Variants in P2RX3 observed in about 807,000 individuals in gnomAD.
P2RX3 encodes purinergic receptor P2X 3, also known as P2X purinoceptor 3.
A neutral mutation model predicts 51.5 loss-of-function variants in P2RX3; 41 were observed. The observed-to-expected ratio is 0.80, with a 90% CI of 0.62 to 1.03. P2RX3 has a LOEUF of 1.03. P2RX3 is among the 50% of genes least tolerant of loss of function. The probability of loss-of-function intolerance (pLI) is 0.00; values close to 1 mark genes in which losing one functional copy is unlikely to be tolerated. For synonymous variants in P2RX3, 185 were observed against 191.6 expected (o/e 0.97, Z 0.29); for missense variants, 459 against 522.1 (o/e 0.88, Z 1.18).
At position 57,371,568 on chromosome 11, in the gene P2RX3, C is replaced by T. The variant is rs1291132949; in HGVS notation, c.*1571C>T. Among the ~76,000 whole-genome samples the T allele has an allele frequency of 6.6e-6, 1 of 152,146 alleles. No individual in the cohort carries two copies. Among genetic ancestry groups the T allele is most frequent in the Non-Finnish European group, 1.5e-5 (1 of 68,014 alleles). On this transcript the variant is annotated 3_prime_UTR_variant, in exon 12 of 12. Coordinates refer to ENST00000263314, the MANE Select transcript of P2RX3 (RefSeq NM_002559.5). The stretch of plus-strand genomic sequence containing the variant: ...GGTGGGTACTTGCAAAGGCCTTGCC[C>T]AATGACCCCCCGCTCCAGGGGGAGA...
At chr11:57,349,568 A>T (rs963366747) in intron 6 of P2RX3, among the ~76,000 whole-genome samples, 189 bp from the exon 7 acceptor site, 1 of 152,118 alleles carries the variant, frequency 6.6e-6, no homozygotes, top group Non-Finnish European at 1.5e-5. Context: ...ACCCTGATAC[A>T]CAGGGAAGGC....
At chr11:57,358,975 T>C (rs1426222798) in intron 8 of P2RX3, among the ~76,000 whole-genome samples, 1 of 152,136 alleles carries the variant, frequency 6.6e-6, no homozygotes. Flanking sequence ...AGGTGTCCTG[T>C]CTGGTCACAG....
At chr11:57,344,281 G>GA (rs1856393822) in intron 1 of P2RX3, among the ~76,000 whole-genome samples, 1 of 152,092 alleles carries the variant, frequency 6.6e-6, no homozygotes, top group Non-Finnish European at 1.5e-5. Flanking sequence ...TAATACTACT[G>GA]AAAAAATGAT....
chr11:57,345,733 T>C (rs540395998), intron 1 of P2RX3, among the ~76,000 whole-genome samples: 5 of 152,040 alleles, frequency 3.3e-5, no homozygotes, highest in Non-Finnish European at 7.4e-5. Flanking sequence ...AGAAGGAAGA[T>C]AGGGATGGAA....
intron 3 of P2RX3, 46 bp from the exon 4 acceptor site, chr11:57,347,369 G>C: frequency 6.5e-7 from 1 of 1,549,572 alleles, no homozygotes; most frequent in South Asian, 1.2e-5. Context: ...GAGCTCACCA[G>C]GCCAGGACAG....
intron 3 of P2RX3, 24 bp from the exon 4 acceptor site, chr11:57,347,391 A>C (rs1356581067): frequency 6.4e-7 from 1 of 1,555,594 alleles, no homozygotes; most frequent in Non-Finnish European, 8.7e-7. Flanking sequence ...GTCCTTCACC[A>C]ACCTGTGACC....
At chr11:57,362,662 G>A (rs1244605242) in intron 8 of P2RX3, among the ~76,000 whole-genome samples, 1 of 152,164 alleles carries the variant, frequency 6.6e-6, no homozygotes, top group African/African-American at 2.4e-5. Context: ...GTGTGGGTCC[G>A]ACAGCTGGAC....
chr11:57,361,869 C>G (rs1198509211), intron 8 of P2RX3, among the ~76,000 whole-genome samples: 1 of 152,308 alleles, frequency 6.6e-6, no homozygotes, highest in East Asian at 1.9e-4. Flanking sequence ...TGAAGCCTTG[C>G]CTAACCCCCA....
chr11:57,356,879 C>T (rs1293047088), intron 8 of P2RX3, among the ~76,000 whole-genome samples: 1 of 152,000 alleles, frequency 6.6e-6, no homozygotes, highest in Non-Finnish European at 1.5e-5. Flanking sequence ...TTTAGATAGC[C>T]CTTTATCATG....
intron 6 of P2RX3, among the ~76,000 whole-genome samples, chr11:57,349,296 AC>A (rs1348101947): frequency 7.0e-6 from 1 of 142,504 alleles, no homozygotes; most frequent in Non-Finnish European, 1.5e-5. Context: ...CCCTGTCTGT[AC>A]CAAAAAAAAA....
At chr11:57,364,314 G>A (rs1856765254) in intron 8 of P2RX3, among the ~76,000 whole-genome samples, 1 of 152,216 alleles carries the variant, frequency 6.6e-6, no homozygotes, top group Non-Finnish European at 1.5e-5. Flanking sequence ...ATCCTTAACA[G>A]CCTCCAAGAG....
At chr11:57,339,022 C>G (rs904093019) in intron 1 of P2RX3, among the ~76,000 whole-genome samples, 1 of 152,148 alleles carries the variant, frequency 6.6e-6, no homozygotes, top group East Asian at 1.9e-4. Context: ...ACAGGCAGAC[C>G]CCCTCCCACA....
intron 8 of P2RX3, among the ~76,000 whole-genome samples, chr11:57,365,821 A>G (rs1307536983): frequency 3.3e-5 from 5 of 152,306 alleles, no homozygotes; most frequent in African/African-American, 1.2e-4. Context: ...TCCCCATCAC[A>G]AGTTATCTTC....
intron 8 of P2RX3, among the ~76,000 whole-genome samples, chr11:57,351,760 G>A (rs962435966): frequency 6.6e-6 from 1 of 151,982 alleles, no homozygotes; most frequent in Non-Finnish European, 1.5e-5. Flanking sequence ...TGTCTACTAC[G>A]TGCTGAGGAC....
intron 8 of P2RX3, among the ~76,000 whole-genome samples, chr11:57,360,070 TCA>T (rs1856690670): frequency 6.6e-6 from 1 of 152,186 alleles, no homozygotes; most frequent in South Asian, 2.1e-4. Flanking sequence ...CTATCTCATT[TCA>T]AAGTGCGTAA....
In P2RX3 at chr11:57,345,935, C is replaced by T. The variant is rs545525901; in HGVS notation, c.120-609C>T. On this transcript the variant is annotated intron_variant, in intron 1 of 11. Coordinates refer to ENST00000263314, the MANE Select transcript of P2RX3 (RefSeq NM_002559.5). ...CAGGTAAAAGCTCAGCCGCTGTCCC[C>T]CGCTTCCTCCTCTGTTCTCATCTGA... Among the ~76,000 whole-genome samples, 3 of 151,760 alleles carry T rather than the reference C, an allele frequency of 2.0e-5. 1 individual carries two copies. Among genetic ancestry groups the T allele is most frequent in the Non-Finnish European group, 4.4e-5 (3 of 67,922 alleles).
chr11:57,337,830 A>G (rs2134400127), upstream of P2RX3, among the ~76,000 whole-genome samples: 1 of 152,386 alleles, frequency 6.6e-6, no homozygotes, highest in South Asian at 2.1e-4. Flanking sequence ...TTAGAGTATA[A>G]GAATAATAAT....
intron 8 of P2RX3, among the ~76,000 whole-genome samples, chr11:57,353,840 C>A (rs893491581): frequency 3.5e-5 from 1 of 28,448 alleles, no homozygotes; most frequent in African/African-American, 6.7e-5. Flanking sequence ...ATGTCACTCC[C>A]CCCCCCCCGC....
intron 8 of P2RX3, among the ~76,000 whole-genome samples, chr11:57,352,467 T>C (rs1856563514): frequency 6.6e-6 from 1 of 152,216 alleles, no homozygotes; most frequent in Admixed American, 6.5e-5. Flanking sequence ...CTTAAAATAG[T>C]AACATATTAA....
Sources: gnomAD v4.1 joint callset for allele counts (sites outside exome capture counted in the v4.1 genomes callset) on GRCh38, gnomAD v4.1.1 for gene constraint, MANE v1.5 for transcripts, NCBI Gene and HGNC (gene_info 2026-07-23, HGNC 2026-07-21) for gene names.